DGKG: variants seen among roughly 807,000 people sequenced by gnomAD.
The protein encoded by DGKG is DAG kinase gamma.
A neutral mutation model predicts 105.3 loss-of-function variants in DGKG; 78 were observed. That is an observed-to-expected ratio of 0.74 (90% confidence interval 0.62 to 0.89). The LOEUF is 0.89. DGKG is among the 40% of genes least tolerant of loss of function. The pLI is 0.00. For synonymous variants in DGKG, 346 were observed against 367.1 expected (o/e 0.94, Z 0.66); for missense variants, 958 against 1,020.1 (o/e 0.94, Z 0.83).
chr3:186,153,194 A>G (rs1470322902), intron 24 of DGKG, among the ~76,000 whole-genome samples: 1 of 152,040 alleles, frequency 6.6e-6, no homozygotes, highest in Non-Finnish European at 1.5e-5. Context: ...TTCTATTACT[A>G]TAGAACCGAA....
intron 1 of DGKG, among the ~76,000 whole-genome samples, chr3:186,341,257 C>T (rs1213415059): frequency 6.6e-6 from 1 of 152,162 alleles, no homozygotes; most frequent in African/African-American, 2.4e-5. Flanking sequence ...TTATCATATG[C>T]TGGAAGGGTA....
At chr3:186,167,650 A>G (rs913575827) in intron 22 of DGKG, among the ~76,000 whole-genome samples, 18 of 152,184 alleles carry the variant, frequency 1.2e-4, no homozygotes, top group African/African-American at 3.1e-4. Context: ...TTAAGCATCA[A>G]TGATTCAGGG....
chr3:186,267,607 G>A, intron 13 of DGKG, 78 bp downstream of exon 13: 1 of 1,093,564 alleles, frequency 9.1e-7, no homozygotes, highest in Non-Finnish European at 1.4e-6. Context: ...TGGGAAGGAT[G>A]TGAATGTCTG....
chr3:186,286,722 A>G (rs1723086595), intron 6 of DGKG, among the ~76,000 whole-genome samples: 1 of 152,164 alleles, frequency 6.6e-6, no homozygotes, highest in African/African-American at 2.4e-5. Flanking sequence ...AAAACTCTAT[A>G]TGACCAAGTT....
intron 24 of DGKG, among the ~76,000 whole-genome samples, chr3:186,156,554 C>G (rs1447369970): frequency 6.6e-6 from 1 of 151,836 alleles, no homozygotes; most frequent in Non-Finnish European, 1.5e-5. Flanking sequence ...TCTCAGCGTT[C>G]TTTTATAAAA....
chr3:186,258,732 T>C (rs367861098), intron 16 of DGKG, among the ~76,000 whole-genome samples: 25 of 152,332 alleles, frequency 1.6e-4, no homozygotes, highest in African/African-American at 5.8e-4. Flanking sequence ...TGGGTCTTCC[T>C]ATTTGACGTA....
intron 22 of DGKG, among the ~76,000 whole-genome samples, chr3:186,173,718 C>A (rs187036189): frequency 1.2e-3 from 190 of 152,366 alleles, no homozygotes; most frequent in Non-Finnish European, 2.2e-3. Flanking sequence ...CTTCAAAGTG[C>A]AGCTCAAAGG....
chr3:186,317,489 T>TAG (rs1724873277), intron 2 of DGKG, among the ~76,000 whole-genome samples: 1 of 152,172 alleles, frequency 6.6e-6, no homozygotes, highest in Non-Finnish European at 1.5e-5. Flanking sequence ...CCTACTTTCC[T>TAG]TTCTAGTTCT....
intron 19 of DGKG, among the ~76,000 whole-genome samples, chr3:186,243,310 C>T (rs1720775635): frequency 6.6e-6 from 1 of 151,940 alleles, no homozygotes; most frequent in Non-Finnish European, 1.5e-5. Context: ...TGGACACTGC[C>T]CTCCTATTAG....
intron 20 of DGKG, among the ~76,000 whole-genome samples, chr3:186,239,667 C>G (rs966629630): frequency 5.3e-5 from 8 of 152,178 alleles, no homozygotes; most frequent in Non-Finnish European, 1.0e-4. Flanking sequence ...ATAGGTGCTA[C>G]CTCAGCCCTT....
At chr3:186,216,111 G>T (rs886115926) in intron 20 of DGKG, among the ~76,000 whole-genome samples, 3 of 151,968 alleles carry the variant, frequency 2.0e-5, no homozygotes, top group Non-Finnish European at 4.4e-5. Flanking sequence ...CGATTCTCAT[G>T]CCTCAGCCTC....
At chr3:186,161,248 T>C (rs1212921024) in intron 24 of DGKG, 7 of 1,046,692 alleles carry the variant, frequency 6.7e-6, no homozygotes, top group Non-Finnish European at 8.1e-6. Context: ...CAGAACAGTC[T>C]TCCTTTTGAG....
At chr3:186,250,276 C>T (rs967080973) in intron 19 of DGKG, among the ~76,000 whole-genome samples, 3 of 151,978 alleles carry the variant, frequency 2.0e-5, no homozygotes, top group Non-Finnish European at 2.9e-5. Flanking sequence ...GGGAGCTGAA[C>T]GATGAGAACA....
chr3:186,161,421 G>A (rs530553710), intron 24 of DGKG, 182 bp downstream of exon 24: 11 of 1,433,396 alleles, frequency 7.7e-6, no homozygotes, highest in East Asian at 5.1e-5. Flanking sequence ...CATATAGCAG[G>A]TTTTCATTAA....
intron 22 of DGKG, among the ~76,000 whole-genome samples, chr3:186,176,087 G>A (rs747093627): frequency 3.9e-5 from 6 of 152,214 alleles, no homozygotes; most frequent in Non-Finnish European, 8.8e-5. Flanking sequence ...AGGGAGGTGA[G>A]CTTGGGTGGG....
chr3:186,309,045 A>G (rs1724390983), intron 2 of DGKG, among the ~76,000 whole-genome samples: 1 of 152,236 alleles, frequency 6.6e-6, no homozygotes, highest in South Asian at 2.1e-4. Context: ...AGCATTATTC[A>G]CTATAGCTTC....
chr3:186,154,454 G>A (rs893912575), intron 24 of DGKG, among the ~76,000 whole-genome samples: 15 of 151,932 alleles, frequency 9.9e-5, no homozygotes, highest in African/African-American at 3.4e-4. Context: ...GACCAGCCTC[G>A]CCAACATGGT....
At chr3:186,224,065 C>T (rs1170424381) in intron 20 of DGKG, among the ~76,000 whole-genome samples, 1 of 152,236 alleles carries the variant, frequency 6.6e-6, no homozygotes, top group Non-Finnish European at 1.5e-5. Flanking sequence ...GTAGCTTGCA[C>T]CTGCTGCCCT....
intron 2 of DGKG, among the ~76,000 whole-genome samples, chr3:186,312,940 G>T (rs1384457862): frequency 6.6e-6 from 1 of 152,206 alleles, no homozygotes; most frequent in African/African-American, 2.4e-5. Context: ...CTTTGTTTCT[G>T]CTCACTGTTC....
Sources: allele counts gnomAD v4.1 joint callset (sites outside exome capture counted in the v4.1 genomes callset), GRCh38; gene constraint gnomAD v4.1.1; transcripts MANE v1.5; gene names NCBI Gene and HGNC (gene_info 2026-07-23, HGNC 2026-07-21).